Variants in UBA6 observed in about 807,000 individuals in gnomAD.
UBA6 encodes the protein ubiquitin-like modifier-activating enzyme 6.
In UBA6, 87 loss-of-function variants were observed where a neutral mutation model predicts 148.3. The ratio of observed to expected loss-of-function variants is 0.59; its 90% confidence interval spans 0.49 to 0.70. The LOEUF is 0.70. UBA6 is among the 30% of genes least tolerant of loss of function. The pLI is 0.00. For synonymous variants in UBA6, 376 were observed against 401.0 expected, an observed-to-expected ratio of 0.94 and a Z score of 0.75; for missense variants, 1,186 against 1,241.2, an observed-to-expected ratio of 0.96 and a Z score of 0.67.
intron 4 of UBA6, among the ~76,000 whole-genome samples, chr4:67,680,375 C>T (rs1730403367): frequency 6.6e-6 from 1 of 152,196 alleles, no homozygotes; most frequent in Non-Finnish European, 1.5e-5. Flanking sequence ...AGAATCAAAT[C>T]TGAACTGGAT....
At chr4:67,692,660 C>A (rs952117442) in intron 2 of UBA6, among the ~76,000 whole-genome samples, 2 of 152,038 alleles carry the variant, frequency 1.3e-5, no homozygotes, top group Non-Finnish European at 2.9e-5. Context: ...ACCTGGCCAC[C>A]CAGAACCCCA....
chr4:67,668,812 A>G, intron 8 of UBA6, 138 bp from the exon 9 acceptor site: 1 of 725,330 alleles, frequency 1.4e-6, no homozygotes, highest in Non-Finnish European at 2.2e-6. Flanking sequence ...CTGTTAGTAA[A>G]AGCAAGCCTT....
At chr4:67,655,529 C>T (rs192417358) in intron 13 of UBA6, among the ~76,000 whole-genome samples, 30 of 152,312 alleles carry the variant, frequency 2.0e-4, no homozygotes, top group African/African-American at 5.3e-4. Context: ...CTCTGAGACA[C>T]ATTCAAAGCA....
intron 1 of UBA6, 149 bp downstream of exon 1, chr4:67,700,900 C>G: frequency 1.1e-6 from 1 of 897,582 alleles, no homozygotes; most frequent in East Asian, 2.6e-5. Context: ...GCCACACCCA[C>G]TCCGCGCGCG....
chr4:67,674,929 A>C (rs1452460734), intron 6 of UBA6, among the ~76,000 whole-genome samples: 1 of 151,886 alleles, frequency 6.6e-6, no homozygotes, highest in Non-Finnish European at 1.5e-5. Flanking sequence ...CAGTGGTGCG[A>C]TCTGGGCTCA....
At chr4:67,673,630 A>T in intron 7 of UBA6, 67 bp downstream of exon 7, 1 of 1,095,672 alleles carries the variant, frequency 9.1e-7, no homozygotes, top group Admixed American at 1.9e-5. Flanking sequence ...TCAATGAGTT[A>T]AAAATTCTAC....
rs1444153218 is a variant in UBA6, at chr4:67,615,736, G to T, written c.*3261C>A. ...AACCAACATGAATCAATCCCATCTT[G>T]AACAAATGCAGCTACAAAAGAATGT... On this transcript the variant is annotated 3_prime_UTR_variant, in exon 33 of 33. Transcript: ENST00000322244. 1.8e-5 allele frequency: 3 copies of T among 165,560 alleles called. No homozygotes were observed. The East Asian group carries it at 4.9e-4, about 27-fold the overall frequency. 10.3% of individuals were successfully genotyped at this position (165,560 alleles called of 1,614,324 possible).
chr4:67,645,596 C>CA (rs199765929), intron 16 of UBA6, among the ~76,000 whole-genome samples: 3,517 of 133,380 alleles, frequency 0.026, 73 homozygotes, highest in East Asian at 0.11. Flanking sequence ...GACTTTGTCT[C>CA]AGAAAAAAAA....
At chr4:67,662,999 A>G in intron 12 of UBA6, 140 bp downstream of exon 12, 2 of 496,102 alleles carry the variant, frequency 4.0e-6, no homozygotes, top group Non-Finnish European at 6.9e-6. Context: ...AGGACCAGAA[A>G]GTCATAATAA....
Position 67,665,188 on chromosome 4 carries a change from C to A in UBA6, c.897+1G>T. On this transcript the variant is annotated splice_donor_variant, in intron 10 of 32. Coordinates refer to ENST00000322244, the MANE Select transcript of UBA6 (RefSeq NM_018227.6). LOFTEE classifies it high-confidence loss of function. Reference sequence around the variant, plus strand: ...TTTTAAGCCGAAAAAAAAATACTTACAAAAAAAACTGTTTTAGGAGTCTTA... The same window carrying A: ...TTTTAAGCCGAAAAAAAAATACTTAAAAAAAAAACTGTTTTAGGAGTCTTA... 1.3e-6 allele frequency: 2 copies of A among 1,547,576 alleles called. No homozygotes were observed. Among genetic ancestry groups the A allele is most frequent in the South Asian group, 1.3e-5 (1 of 78,600 alleles).
At chr4:67,686,534 A>G (rs1293747087) in intron 2 of UBA6, among the ~76,000 whole-genome samples, 1 of 152,202 alleles carries the variant, frequency 6.6e-6, no homozygotes, top group Admixed American at 6.5e-5. Flanking sequence ...TAAATAAAAT[A>G]TGTAAACTAC....
intron 9 of UBA6, among the ~76,000 whole-genome samples, chr4:67,668,263 ATACCTTCC>A (rs1257835641): frequency 3.3e-5 from 5 of 152,106 alleles, no homozygotes; most frequent in Admixed American, 3.3e-4. Context: ...TCTTTTTTCA[ATACCTTCC>A]TAAGCCAATG....
At chr4:67,648,052 C>A (rs1253250870) in intron 14 of UBA6, among the ~76,000 whole-genome samples, 1 of 151,814 alleles carries the variant, frequency 6.6e-6, no homozygotes, top group African/African-American at 2.4e-5. Context: ...GGATTACAGG[C>A]ATGAGCCACT....
At chr4:67,620,618 G>A (rs1405082737) in intron 32 of UBA6, among the ~76,000 whole-genome samples, 5 of 152,148 alleles carry the variant, frequency 3.3e-5, no homozygotes, top group Admixed American at 6.5e-5. Flanking sequence ...AGTAGGGAAG[G>A]AACTTAGAAG....
chr4:67,649,272 T>C, intron 13 of UBA6, 61 bp from the exon 14 acceptor site: 1 of 1,440,804 alleles, frequency 6.9e-7, no homozygotes, highest in Non-Finnish European at 9.4e-7. Flanking sequence ...CACTTAAAAT[T>C]CCAATGACTA....
At chr4:67,619,742 G>T (rs1728710418) in intron 32 of UBA6, among the ~76,000 whole-genome samples, 1 of 152,178 alleles carries the variant, frequency 6.6e-6, no homozygotes, top group African/African-American at 2.4e-5. Flanking sequence ...ATGTAAGCTA[G>T]AAATACAAAG....
chr4:67,622,786 C>T lies in UBA6; in HGVS notation c.3023+45G>A, dbSNP rs199577607. Reference sequence around the variant, plus strand: ...TAATTTTTTAGTGTGCATCAACTTACATTTAAATTCTTGTTAATCGCTGCA... The same window carrying T: ...TAATTTTTTAGTGTGCATCAACTTATATTTAAATTCTTGTTAATCGCTGCA... On this transcript the variant is annotated intron_variant, in intron 32 of 32. Coordinates refer to ENST00000322244, the MANE Select transcript of UBA6 (RefSeq NM_018227.6). The T allele has an allele frequency of 7.7e-4, 1,066 of 1,380,896 alleles. 2 individuals are homozygous for T. Among genetic ancestry groups the T allele is most frequent in the Non-Finnish European group, 1.0e-3 (985 of 984,634 alleles). The allele number at this position is 1,380,896 out of a possible 1,614,324, so 85.5% of individuals were successfully genotyped here.
At chr4:67,630,271 C>T (rs114758459) in intron 26 of UBA6, among the ~76,000 whole-genome samples, 195 bp downstream of exon 26, 1,919 of 152,182 alleles carry the variant, frequency 0.013, 40 homozygotes, top group African/African-American at 0.042. Context: ...AAGGAAAAAT[C>T]CGACTTCTAC....
chr4:67,656,022 G>T (rs1485888093), intron 13 of UBA6, among the ~76,000 whole-genome samples: 1 of 152,138 alleles, frequency 6.6e-6, no homozygotes, highest in African/African-American at 2.4e-5. Flanking sequence ...ACAATAACAG[G>T]TTCTGAAATT....
Sources: allele counts gnomAD v4.1 joint callset (sites outside exome capture counted in the v4.1 genomes callset), GRCh38; gene constraint gnomAD v4.1.1; transcripts MANE v1.5; gene names NCBI Gene and HGNC (gene_info 2026-07-23, HGNC 2026-07-21).